Variants in DNAJC1 observed in about 807,000 individuals in gnomAD.
DNAJC1 encodes DnaJ heat shock protein family (Hsp40) member C1.
In DNAJC1, 58 loss-of-function variants were observed where a neutral mutation model predicts 76.6. The ratio of observed to expected loss-of-function variants is 0.76; its 90% confidence interval spans 0.61 to 0.94. The LOEUF is 0.94. Among genes scored for constraint, DNAJC1 ranks in the 40% least tolerant of loss-of-function variants. DNAJC1 has a pLI of 0.00. For synonymous variants in DNAJC1, 258 were observed against 267.9 expected (o/e 0.96, Z 0.36); for missense variants, 689 against 677.3 (o/e 1.02, Z -0.19).
At position 21,759,382 on chromosome 10, in the gene DNAJC1, TCTC is replaced by T. The variant is rs1282087204; in HGVS notation, c.1381_1383del (p.Glu461del). 3.1e-6 allele frequency: 5 copies of T among 1,614,102 alleles called. No homozygotes were observed. Among genetic ancestry groups the T allele is most frequent in the East Asian group, 2.2e-5 (1 of 44,898 alleles). ...TCCTTCTGCCGCTTGGCTCTGGACTTCTCCTCTGGCTCCGGCTTCGCTGTAGCC... is the reference window on the plus strand; with the variant it reads ...TCCTTCTGCCGCTTGGCTCTGGACTTCTCTGGCTCCGGCTTCGCTGTAGCC... On this transcript the variant is annotated inframe_deletion, in exon 11 of 12. Coordinates refer to ENST00000376980, the MANE Select transcript of DNAJC1 (RefSeq NM_022365.4).
chr10:21,758,274 C>G (rs927376587), intron 11 of DNAJC1, among the ~76,000 whole-genome samples: 1 of 152,148 alleles, frequency 6.6e-6, no homozygotes, highest in East Asian at 1.9e-4. Context: ...GCACAGACAG[C>G]GGAAGAGATC....
rs1835561876 is a variant in DNAJC1, at chr10:21,840,751, T to G, written c.979-34652A>C. On this transcript the variant is annotated intron_variant, in intron 8 of 11. Transcript: ENST00000376980. ...TTTCTTCACAGAACTGGAAAAAAACTACTTTAAAGTTCGTATGGAACCAAA... is the reference window on the plus strand; with the variant it reads ...TTTCTTCACAGAACTGGAAAAAAACGACTTTAAAGTTCGTATGGAACCAAA... Among the ~76,000 whole-genome samples the G allele has an allele frequency of 4.6e-5, 7 of 152,140 alleles. No individual in the cohort carries two copies. The South Asian group carries it at 1.4e-3, about 31-fold the overall frequency.
intron 1 of DNAJC1, among the ~76,000 whole-genome samples, chr10:21,940,032 G>C (rs974911956): frequency 6.6e-6 from 1 of 150,612 alleles, no homozygotes; most frequent in Non-Finnish European, 1.5e-5. Flanking sequence ...CTAAATAATA[G>C]AGAGATTTAA....
intron 9 of DNAJC1, among the ~76,000 whole-genome samples, chr10:21,793,659 A>C (rs376764356): frequency 6.6e-6 from 1 of 152,216 alleles, no homozygotes; most frequent in Admixed American, 6.5e-5. Context: ...TAAGAAAACA[A>C]TTCTGGCTGG....
chr10:21,774,247 T>A (rs1453558310), intron 9 of DNAJC1, among the ~76,000 whole-genome samples: 1 of 152,104 alleles, frequency 6.6e-6, no homozygotes, highest in Non-Finnish European at 1.5e-5. Flanking sequence ...TTACGGTTTA[T>A]CTTGTAGAAT....
chr10:21,986,747 T>C (rs1490567719), intron 1 of DNAJC1, among the ~76,000 whole-genome samples: 1 of 152,034 alleles, frequency 6.6e-6, no homozygotes, highest in African/African-American at 2.4e-5. Flanking sequence ...GCTAACACTT[T>C]GGCTGGGAAA....
At chr10:21,943,550 T>G (rs1198092342) in intron 1 of DNAJC1, among the ~76,000 whole-genome samples, 2 of 152,228 alleles carry the variant, frequency 1.3e-5, no homozygotes, top group East Asian at 3.8e-4. Flanking sequence ...ACAGGGAACA[T>G]TACAATCTGT....
At chr10:21,870,242 T>C (rs1364967991) in intron 8 of DNAJC1, among the ~76,000 whole-genome samples, 1 of 152,060 alleles carries the variant, frequency 6.6e-6, no homozygotes, top group African/African-American at 2.4e-5. Context: ...TGATAATACT[T>C]AACAATATTC....
intron 9 of DNAJC1, among the ~76,000 whole-genome samples, chr10:21,791,059 A>G (rs1473232173): frequency 6.6e-6 from 1 of 152,202 alleles, no homozygotes; most frequent in East Asian, 1.9e-4. Flanking sequence ...AAAGGAAAAC[A>G]AAAGTGAGAA....
chr10:21,865,485 A>ATGAT (rs1370899988), intron 8 of DNAJC1: 1 of 152,166 alleles, frequency 6.6e-6, no homozygotes, highest in Non-Finnish European at 1.5e-5. Flanking sequence ...TTTACACTGT[A>ATGAT]TGATTATACA....
intron 5 of DNAJC1, among the ~76,000 whole-genome samples, chr10:21,919,116 A>C (rs964711773): frequency 2.6e-5 from 4 of 152,032 alleles, no homozygotes; most frequent in African/African-American, 9.7e-5. Flanking sequence ...TTGGGGAAGG[A>C]GGCTCCTAAT....
intron 9 of DNAJC1, among the ~76,000 whole-genome samples, chr10:21,781,966 C>A (rs1197419736): frequency 6.6e-6 from 1 of 151,856 alleles, no homozygotes; most frequent in South Asian, 2.1e-4. Context: ...AAAATTGACA[C>A]CCTACCACTG....
chr10:21,978,341 T>C (rs1028967550), intron 1 of DNAJC1, among the ~76,000 whole-genome samples: 3 of 152,134 alleles, frequency 2.0e-5, no homozygotes, highest in Non-Finnish European at 4.4e-5. Flanking sequence ...TTTGTAGAAC[T>C]AATACACTGA....
At chr10:21,944,028 A>T (rs1034109611) in intron 1 of DNAJC1, among the ~76,000 whole-genome samples, 14 of 152,202 alleles carry the variant, frequency 9.2e-5, no homozygotes, top group African/African-American at 3.1e-4. Flanking sequence ...TCATTGGCCA[A>T]ATCTACCTTA....
chr10:21,773,189 T>C (rs1009211662), intron 9 of DNAJC1, among the ~76,000 whole-genome samples: 6 of 152,198 alleles, frequency 3.9e-5, no homozygotes, highest in African/African-American at 9.7e-5. Context: ...TTAGGTATAG[T>C]TTGTTCTCTT....
At chr10:21,871,043 G>C (rs1246607082) in intron 8 of DNAJC1, among the ~76,000 whole-genome samples, 1 of 152,058 alleles carries the variant, frequency 6.6e-6, no homozygotes, top group Non-Finnish European at 1.5e-5. Context: ...TAAAAGGCTT[G>C]TATTTATTTT....
At chr10:21,865,011 C>T (rs150781052) in intron 8 of DNAJC1, among the ~76,000 whole-genome samples, 4 of 152,190 alleles carry the variant, frequency 2.6e-5, no homozygotes, top group African/African-American at 4.8e-5. Context: ...AGAATCACAA[C>T]GACGTACTCC....
chr10:21,898,836 T>TA (rs796846094), intron 7 of DNAJC1, among the ~76,000 whole-genome samples: 235 of 131,210 alleles, frequency 1.8e-3, no homozygotes, highest in Middle Eastern at 3.8e-3. Flanking sequence ...TTCTACTTAC[T>TA]AAAAAAAAAA....
Position 21,756,626 on chromosome 10 carries a change from G to T in DNAJC1, c.*61C>A. 7.5e-7 allele frequency: 1 copy of T among 1,327,718 alleles called. No homozygotes were observed. The highest frequency in any genetic ancestry group is 1.1e-6 in the Non-Finnish European group (1 of 923,718). The allele number at this position is 1,327,718 out of a possible 1,614,324, so 82.2% of individuals were successfully genotyped here. ...ATTGAGGTACAAAATGCAAATTTCT[G>T]CATAAGATTTTTAAGATATTCATTT... On this transcript the variant is annotated 3_prime_UTR_variant, in exon 12 of 12. Coordinates refer to ENST00000376980, the MANE Select transcript of DNAJC1 (RefSeq NM_022365.4).
Sources: gnomAD v4.1 joint callset for allele counts (sites outside exome capture counted in the v4.1 genomes callset) on GRCh38, gnomAD v4.1.1 for gene constraint, MANE v1.5 for transcripts, NCBI Gene and HGNC (gene_info 2026-07-23, HGNC 2026-07-21) for gene names.